AUTS2: variants seen among roughly 807,000 people sequenced by gnomAD.
The protein encoded by AUTS2 is autism susceptibility gene 2 protein.
In AUTS2, 17 loss-of-function variants were observed where a neutral mutation model predicts 112.4. The ratio of observed to expected loss-of-function variants is 0.15; its 90% confidence interval spans 0.10 to 0.23. The LOEUF (loss-of-function observed/expected upper bound fraction) is 0.23, where lower values mean the gene tolerates loss of function less well. AUTS2 is among the 10% of genes least tolerant of loss of function. The pLI is 1.00. For synonymous variants in AUTS2, 751 were observed against 702.7 expected (o/e 1.07, Z -1.09); for missense variants, 1,510 against 1,701.6 (o/e 0.89, Z 1.98).
At chr7:70,282,874 A>G (rs895658124) in intron 4 of AUTS2, among the ~76,000 whole-genome samples, 24 of 152,286 alleles carry the variant, frequency 1.6e-4, no homozygotes, top group African/African-American at 5.3e-4. Context: ...CCTGATGTAT[A>G]TCAGCTTTCA....
In AUTS2 at chr7:69,899,364, A is replaced by G. The variant is rs1446133352; in HGVS notation, c.388A>G (p.Thr130Ala). 1 of 1,614,038 alleles carries G rather than the reference A, an allele frequency of 6.2e-7. No homozygotes were observed. The highest frequency in any genetic ancestry group is 1.3e-5 in the African/African-American group (1 of 75,044). The change falls in exon 2 of 19, where the codon ACC becomes GCC. Residue 130 changes from threonine to alanine, a missense_variant. Thr to Ala is a moderately conservative substitution (Grantham distance 58, BLOSUM62 0). Coordinates refer to ENST00000342771, the MANE Select transcript of AUTS2 (RefSeq NM_015570.4). ...PLTKKKREAL[T>A]NGLSFHSKKS... ...GACCAAGAAGAAACGAGAAGCACTT[A>G]CCAATGGCTTGTCCTTTCATTCAAA...
At chr7:70,343,425 A>G (rs1195130281) in intron 4 of AUTS2, among the ~76,000 whole-genome samples, 1 of 152,218 alleles carries the variant, frequency 6.6e-6, no homozygotes, top group Non-Finnish European at 1.5e-5. Flanking sequence ...ACAGACACTA[A>G]TTGAAGGCCC....
chr7:70,562,810 T>C (rs1801546162), intron 5 of AUTS2, among the ~76,000 whole-genome samples: 1 of 152,310 alleles, frequency 6.6e-6, no homozygotes, highest in Non-Finnish European at 1.5e-5. Flanking sequence ...CTATAGGTGT[T>C]TACCTGGGGA....
chr7:70,002,134 A>G (rs1584554405), intron 2 of AUTS2, among the ~76,000 whole-genome samples: 1 of 152,154 alleles, frequency 6.6e-6, no homozygotes, highest in East Asian at 1.9e-4. Context: ...ACACTGAGAA[A>G]AGAGTATAGT....
intron 4 of AUTS2, among the ~76,000 whole-genome samples, chr7:70,235,559 G>A (rs975725279): frequency 4.6e-5 from 7 of 151,964 alleles, no homozygotes; most frequent in South Asian, 4.2e-4. Flanking sequence ...ACTAAAATAC[G>A]TACTATCTGT....
intron 4 of AUTS2, among the ~76,000 whole-genome samples, chr7:70,286,583 G>A (rs2129611304): frequency 6.6e-6 from 1 of 152,150 alleles, no homozygotes; most frequent in South Asian, 2.1e-4. Context: ...TAAGCTAAAA[G>A]GAAATCTAAT....
At position 70,787,236 on chromosome 7, in the gene AUTS2, A is replaced by G. The variant is rs1361039805; in HGVS notation, c.2336A>G (p.Asp779Gly). The change falls in exon 18 of 19, where the codon GAT (aspartate) becomes GGT (glycine). Residue 779 changes from aspartate (D) to glycine (G), a missense_variant. Physicochemically the swap from Asp to Gly is moderately conservative, Grantham distance 94. This residue lies in a region of AUTS2 where 788 missense variants were observed against 797.6 expected (regional missense o/e 0.99). Transcript: ENST00000342771. ...VTPNSMFGHK[D>G]GPSVQNFSNP... ...CCCAACTCAATGTTCGGCCACAAGGATGGCCCCAGTGTGCAGAACTTTAGC... is the reference window on the plus strand; with the variant it reads ...CCCAACTCAATGTTCGGCCACAAGGGTGGCCCCAGTGTGCAGAACTTTAGC... The G allele has an allele frequency of 1.9e-6, 3 of 1,614,102 alleles. No homozygotes were observed. Among genetic ancestry groups the G allele is most frequent in the Non-Finnish European group, 2.5e-6 (3 of 1,180,044 alleles).
chr7:70,063,818 A>G (rs547654287), intron 2 of AUTS2, among the ~76,000 whole-genome samples: 3 of 152,336 alleles, frequency 2.0e-5, no homozygotes, highest in African/African-American at 7.2e-5. Context: ...ATTGTCAGGA[A>G]GGCATAAAGA....
intron 2 of AUTS2, among the ~76,000 whole-genome samples, chr7:70,070,278 CAG>C (rs1424201758): frequency 6.6e-6 from 1 of 152,114 alleles, no homozygotes; most frequent in South Asian, 2.1e-4. Context: ...TAAATTTAAA[CAG>C]AAAGTATTTC....
intron 5 of AUTS2, among the ~76,000 whole-genome samples, chr7:70,546,628 A>G (rs909565401): frequency 5.3e-5 from 8 of 151,312 alleles, no homozygotes; most frequent in Non-Finnish European, 8.8e-5. Flanking sequence ...AATACAAAAA[A>G]ATTAGCCGGG....
intron 5 of AUTS2, among the ~76,000 whole-genome samples, chr7:70,594,243 T>C (rs1408075359): frequency 6.6e-6 from 1 of 152,196 alleles, no homozygotes; most frequent in Non-Finnish European, 1.5e-5. Flanking sequence ...CAGGTGACCC[T>C]GGCAAGTAGC....
intron 1 of AUTS2, among the ~76,000 whole-genome samples, chr7:69,838,950 T>G (rs1281848305): frequency 6.6e-6 from 1 of 152,166 alleles, no homozygotes; most frequent in Non-Finnish European, 1.5e-5. Context: ...CTCTTTTGGG[T>G]CACAATTAAA....
chr7:69,847,739 A>G (rs1329690994), intron 1 of AUTS2, among the ~76,000 whole-genome samples: 1 of 152,218 alleles, frequency 6.6e-6, no homozygotes, highest in African/African-American at 2.4e-5. Flanking sequence ...GAACACTTGA[A>G]CGTGAGAGCG....
intron 2 of AUTS2, among the ~76,000 whole-genome samples, chr7:69,905,855 G>A (rs1795130239): frequency 6.6e-6 from 1 of 152,138 alleles, no homozygotes; most frequent in African/African-American, 2.4e-5. Flanking sequence ...AGCTGAATGG[G>A]AAAAGGAACT....
chr7:70,333,488 C>T (rs1361734310), intron 4 of AUTS2, among the ~76,000 whole-genome samples: 2 of 152,154 alleles, frequency 1.3e-5, no homozygotes, highest in South Asian at 4.1e-4. Flanking sequence ...AATCCTTCTA[C>T]TATAAAGACA....
At chr7:70,410,921 T>C (rs1000342718) in intron 4 of AUTS2, among the ~76,000 whole-genome samples, 1 of 151,764 alleles carries the variant, frequency 6.6e-6, no homozygotes, top group Non-Finnish European at 1.5e-5. Flanking sequence ...TGGAGTGCAG[T>C]GGTGCGATCT....
chr7:70,243,961 A>G (rs536599837), intron 4 of AUTS2, among the ~76,000 whole-genome samples: 1 of 151,826 alleles, frequency 6.6e-6, no homozygotes, highest in South Asian at 2.1e-4. Flanking sequence ...TAATACTATT[A>G]CAGTATAGTA....
At chr7:70,372,393 G>T (rs1252283699) in intron 4 of AUTS2, among the ~76,000 whole-genome samples, 1 of 152,184 alleles carries the variant, frequency 6.6e-6, no homozygotes, top group Non-Finnish European at 1.5e-5. Flanking sequence ...AAAAAGATGT[G>T]CAGTAATCCA....
At chr7:69,910,746 G>A (rs1795319797) in intron 2 of AUTS2, among the ~76,000 whole-genome samples, 1 of 152,110 alleles carries the variant, frequency 6.6e-6, no homozygotes, top group Non-Finnish European at 1.5e-5. Flanking sequence ...TCCTGCCTCA[G>A]CCTACCAAGT....
Sources: gnomAD v4.1 joint callset for allele counts (sites outside exome capture counted in the v4.1 genomes callset) on GRCh38, gnomAD v4.1.1 for gene constraint, gnomAD v4.1.1 regional missense constraint, MANE v1.5 for transcripts, NCBI Gene and HGNC (gene_info 2026-07-23, HGNC 2026-07-21) for gene names.